Variants in PUS10 observed in about 807,000 individuals in gnomAD.
The protein encoded by PUS10 is tRNA pseudouridine synthase Pus10.
Under a neutral mutation model 75.0 loss-of-function variants are expected in PUS10, and 59 were observed. That is an observed-to-expected ratio of 0.79 (90% CI 0.64 to 0.98). PUS10 has a LOEUF of 0.98. Ranked by LOEUF, PUS10 falls within the 50% of genes least tolerant of loss-of-function variation. PUS10 has a pLI of 0.00. For missense variants in PUS10, 650 were observed against 614.4 expected, an observed-to-expected ratio of 1.06 and a Z score of -0.61; for synonymous variants, 219 against 211.6, an observed-to-expected ratio of 1.03 and a Z score of -0.30.
chr2:61,004,560 C>T (rs111606172), intron 4 of PUS10, among the ~76,000 whole-genome samples: 2 of 133,370 alleles, frequency 1.5e-5, no homozygotes, highest in South Asian at 2.6e-4. Flanking sequence ...ACCTGGGAGG[C>T]GGAGCTTGCA....
intron 11 of PUS10, among the ~76,000 whole-genome samples, chr2:60,957,966 G>A (rs781740690): frequency 4.6e-5 from 7 of 152,344 alleles, no homozygotes; most frequent in East Asian, 3.9e-4. Flanking sequence ...TGCTTGGCTC[G>A]GAGCCACTAT....
At position 61,018,045 on chromosome 2, in the gene PUS10, C is replaced by T. The variant is rs1460336090; in HGVS notation, c.-53G>A. 6 of 1,456,028 alleles carry T rather than the reference C, an allele frequency of 4.1e-6. No individual in the cohort carries two copies. The Admixed American group carries it at 1.4e-4, about 35-fold the overall frequency. 90.2% of individuals were successfully genotyped at this position (1,456,028 alleles called of 1,614,324 possible). A position where few individuals can be genotyped will look rare whatever the true frequency, so the allele number is the denominator to read the frequency against. On this transcript the variant is annotated 5_prime_UTR_variant, in exon 1 of 18. Transcript: ENST00000316752. ...TAGTGTCTCACAGCTGTTTCTGACC[C>T]GGCAGCTCTAATCAGCAACGTTTTT...
intron 11 of PUS10, among the ~76,000 whole-genome samples, chr2:60,959,576 A>G (rs1675889922): frequency 6.6e-6 from 1 of 152,078 alleles, no homozygotes; most frequent in African/African-American, 2.4e-5. Context: ...TTTAGTAGAC[A>G]CAGGGTCTCA....
chr2:60,998,089 T>G (rs1336796493), intron 4 of PUS10, among the ~76,000 whole-genome samples: 2 of 152,172 alleles, frequency 1.3e-5, no homozygotes, highest in Admixed American at 1.3e-4. Context: ...TACTTAAAGT[T>G]GAGAATTTTG....
chr2:60,987,018 G>A (rs184531842), intron 4 of PUS10, among the ~76,000 whole-genome samples: 4 of 152,266 alleles, frequency 2.6e-5, no homozygotes, highest in East Asian at 1.9e-4. Context: ...TCAGTAATTC[G>A]AAAAATAAAT....
intron 4 of PUS10, among the ~76,000 whole-genome samples, chr2:60,988,142 G>T (rs1475974838): frequency 6.6e-6 from 1 of 151,760 alleles, no homozygotes; most frequent in African/African-American, 2.4e-5. Context: ...AACTTTAAAA[G>T]GCCTAGGCTC....
chr2:61,014,184 G>A (rs958229141), intron 1 of PUS10, among the ~76,000 whole-genome samples: 1 of 152,092 alleles, frequency 6.6e-6, no homozygotes, highest in Non-Finnish European at 1.5e-5. Context: ...GACCAGCCTG[G>A]CCAACACGGT....
chr2:60,972,218 C>CT lies in PUS10; in HGVS notation c.469-662dup, dbSNP rs1468940761. Among the ~76,000 whole-genome samples the CT allele has an allele frequency of 6.9e-5, 10 of 144,834 alleles. No homozygotes were observed. In the East Asian group the frequency reaches 2.0e-3, roughly 29 times the overall value. ...CTGGCTCACGCCTGTAATCCCAGCA[C>CT]TTTGGGAGGCCGAGGTGGGCGGATC... On this transcript the variant is annotated intron_variant, in intron 4 of 17. Transcript: ENST00000316752.
At chr2:60,989,138 T>C (rs1038714432) in intron 4 of PUS10, among the ~76,000 whole-genome samples, 3 of 151,838 alleles carry the variant, frequency 2.0e-5, no homozygotes, top group Non-Finnish European at 2.9e-5. Context: ...AAGAAATGAA[T>C]ACTCCACAAT....
chr2:60,959,220 G>A (rs1675861686), intron 11 of PUS10, among the ~76,000 whole-genome samples: 1 of 152,198 alleles, frequency 6.6e-6, no homozygotes, highest in South Asian at 2.1e-4. Context: ...CCAAACACTT[G>A]CCAGTGATTA....
intron 4 of PUS10, among the ~76,000 whole-genome samples, chr2:60,983,356 C>T (rs971164332): frequency 3.3e-5 from 5 of 152,140 alleles, no homozygotes; most frequent in African/African-American, 1.2e-4. Flanking sequence ...ACACAACATA[C>T]TATACTTGGA....
chr2:61,006,407 T>G (rs1679213445), intron 4 of PUS10, 150 bp downstream of exon 4: 6 of 598,102 alleles, frequency 1.0e-5, no homozygotes, highest in Non-Finnish European at 1.7e-5. Context: ...AACAAGTATT[T>G]ATTAAGCAGC....
intron 4 of PUS10, among the ~76,000 whole-genome samples, chr2:60,999,109 G>A (rs1678676108): frequency 6.6e-6 from 1 of 152,108 alleles, no homozygotes; most frequent in Non-Finnish European, 1.5e-5. Context: ...AAGCCAAACT[G>A]ATAGTACAAT....
chr2:60,993,381 C>G (rs570094010), intron 4 of PUS10, among the ~76,000 whole-genome samples: 95 of 151,928 alleles, frequency 6.3e-4, no homozygotes, highest in African/African-American at 2.2e-3. Context: ...CACTTGAACC[C>G]GTGAGGTGGA....
intron 9 of PUS10, among the ~76,000 whole-genome samples, chr2:60,962,128 C>G (rs867034030): frequency 6.6e-6 from 1 of 152,120 alleles, no homozygotes; most frequent in Non-Finnish European, 1.5e-5. Context: ...TGGAGATGAA[C>G]GATACTAGGA....
chr2:61,009,820 T>G (rs1437719040), intron 2 of PUS10: 2 of 152,316 alleles, frequency 1.3e-5, no homozygotes, highest in South Asian at 2.1e-4. Flanking sequence ...ATTTACTGAC[T>G]GTAAAGGGAA....
chr2:60,963,893 G>A (rs1676181644), intron 8 of PUS10, among the ~76,000 whole-genome samples: 1 of 152,324 alleles, frequency 6.6e-6, no homozygotes, highest in South Asian at 2.1e-4. Context: ...ATTACTTGAT[G>A]CCTATTATTA....
chr2:60,950,642 C>T (rs1447922996), intron 15 of PUS10, among the ~76,000 whole-genome samples: 2 of 152,190 alleles, frequency 1.3e-5, no homozygotes, highest in Admixed American at 6.5e-5. Context: ...TGGTCTCAAA[C>T]TCCTGGCCTC....
At chr2:60,951,805 C>T (rs1045219431) in intron 15 of PUS10, among the ~76,000 whole-genome samples, 8 of 152,158 alleles carry the variant, frequency 5.3e-5, no homozygotes, top group Admixed American at 4.6e-4. Context: ...AGAGTCTATA[C>T]TTTTATTTTT....
Sources: gnomAD v4.1 joint callset for allele counts (sites outside exome capture counted in the v4.1 genomes callset) on GRCh38, gnomAD v4.1.1 for gene constraint, MANE v1.5 for transcripts, NCBI Gene and HGNC (gene_info 2026-07-23, HGNC 2026-07-21) for gene names.